LRRC46: variants seen among roughly 807,000 people sequenced by gnomAD.
LRRC46 encodes leucine-rich repeat-containing protein 46.
LRRC46 carries 20 observed loss-of-function variants against 28.0 expected under a neutral mutation model. The ratio of observed to expected loss-of-function variants is 0.71; its 90% confidence interval spans 0.50 to 1.04. LRRC46 has a LOEUF of 1.04. LRRC46 is among the 50% of genes least tolerant of loss of function. LRRC46 has a pLI of 0.00. For missense variants in LRRC46, 315 were observed against 390.1 expected, an observed-to-expected ratio of 0.81 and a Z score of 1.62; for synonymous variants, 156 against 158.8, an observed-to-expected ratio of 0.98 and a Z score of 0.13.
chr17:47,835,587 C>T (rs2033684272), intron 4 of LRRC46, 79 bp from the exon 5 acceptor site: 25 of 1,485,234 alleles, frequency 1.7e-5, no homozygotes, highest in South Asian at 9.2e-5. Context: ...CCAGGGGCCC[C>T]GGTGTCAGGT....
chr17:47,835,810 T>A, intron 5 of LRRC46, 35 bp downstream of exon 5: 1 of 1,569,210 alleles, frequency 6.4e-7, no homozygotes, highest in Non-Finnish European at 8.8e-7. Context: ...ACCAAACACA[T>A]CCCCTGTGGG....
chr17:47,833,368 T>TCCCTTCTTCCTCCTCCTTCTTC (rs2033656906), intron 2 of LRRC46, among the ~76,000 whole-genome samples: 3 of 151,856 alleles, frequency 2.0e-5, no homozygotes, highest in Non-Finnish European at 4.4e-5. Context: ...CCTCCTTCTT[T>TCCCTTCTTCCTCCTCCTTCTTC]CCCTTCTTCC....
At position 47,836,330 on chromosome 17, in the gene LRRC46, C is replaced by T; in HGVS notation, c.453-3C>T. 1 of 1,613,640 alleles carries T rather than the reference C, an allele frequency of 6.2e-7. No individual in the cohort carries two copies. The highest frequency in any genetic ancestry group is 8.5e-7 in the Non-Finnish European group (1 of 1,179,928). On this transcript the variant is annotated splice_polypyrimidine_tract_variant and splice_region_variant and intron_variant, in intron 6 of 7. Coordinates refer to ENST00000269025, the MANE Select transcript of LRRC46 (RefSeq NM_033413.4). This position sits in a 1 kb window ranked among gnomAD's most constrained non-coding sequence, Gnocchi z 5.8. ...GGTAACCTCTGCTCCTTCTGCTCTG[C>T]AGCGAGCTGGTGACAGAAGCCCTGC...
Position 47,836,201 on chromosome 17 carries a change from A to ACACCTT in LRRC46, c.452+101_452+106dup. The stretch of plus-strand genomic sequence containing the variant: ...CTGCAAACCTGGGGTCCTGTCCATG[A>ACACCTT]CACCTTCTCCCCCACCTCCTACCTA... On this transcript the variant is annotated intron_variant, in intron 6 of 7. Coordinates refer to ENST00000269025, the MANE Select transcript of LRRC46 (RefSeq NM_033413.4). This position sits in a 1 kb window ranked among gnomAD's most constrained non-coding sequence, Gnocchi z 5.8. 1.3e-6 allele frequency: 2 copies of ACACCTT among 1,572,718 alleles called. No homozygotes were observed. Among genetic ancestry groups the ACACCTT allele is most frequent in the Non-Finnish European group, 1.7e-6 (2 of 1,144,914 alleles).
At chr17:47,835,506 G>A (rs1158755816) in intron 4 of LRRC46, 107 bp downstream of exon 4, 29 of 1,461,964 alleles carry the variant, frequency 2.0e-5, no homozygotes, top group Non-Finnish European at 2.6e-5. Flanking sequence ...GTCAGTCAAG[G>A]ACCAGCAAGC....
At chr17:47,834,384 G>T in intron 2 of LRRC46, 41 bp from the exon 3 acceptor site, 1 of 1,413,860 alleles carries the variant, frequency 7.1e-7, no homozygotes, top group South Asian at 1.2e-5. Flanking sequence ...GAGACCACAT[G>T]AGTGGTGCTC....
chr17:47,836,024 TGTGTGCA>T lies in LRRC46; in HGVS notation c.383-7_383-1del. The T allele has an allele frequency of 6.2e-7, 1 of 1,614,090 alleles. No individual in the cohort carries two copies. The highest frequency in any genetic ancestry group is 8.5e-7 in the Non-Finnish European group (1 of 1,179,898). ...AGAACCCCATTTCCTCTCTCTTTGCTGTGTGCAGATGAGTTCCCCCAGAGCCTTCTCA... is the reference window on the plus strand; with the variant it reads ...AGAACCCCATTTCCTCTCTCTTTGCTGATGAGTTCCCCCAGAGCCTTCTCA... On this transcript the variant is annotated splice_acceptor_variant and splice_polypyrimidine_tract_variant and intron_variant, in intron 5 of 7. Coordinates refer to ENST00000269025, the MANE Select transcript of LRRC46 (RefSeq NM_033413.4). LOFTEE classifies it high-confidence loss of function. This position sits in a 1 kb window ranked among gnomAD's most constrained non-coding sequence, Gnocchi z 5.8.
At chr17:47,835,562 C>A in intron 4 of LRRC46, 104 bp from the exon 5 acceptor site, 3 of 1,365,018 alleles carry the variant, frequency 2.2e-6, no homozygotes, top group South Asian at 1.2e-5. Context: ...CCCCACTGGT[C>A]ATCAGCTGCC....
rs1295161680 is a variant in LRRC46, at chr17:47,836,967, C to G, written c.813C>G (p.Ser271=). ...AGGCCGTCTCCTCACCCCAGGCCTC[C>G]TCTCCCACCAAGAAACCATGCAGTC... is the stretch of plus-strand genomic sequence containing the variant. ...VPEAVSSPQA[S]SPTKKPCSLI... Residue 271 remains serine, a synonymous_variant, in exon 8 of 8, where the codon TCC becomes TCG. Coordinates refer to ENST00000269025, the MANE Select transcript of LRRC46 (RefSeq NM_033413.4). This position sits in a 1 kb window ranked among gnomAD's most constrained non-coding sequence, Gnocchi z 5.8. 6.2e-7 allele frequency: 1 copy of G among 1,613,634 alleles called. No individual in the cohort carries two copies. Among genetic ancestry groups the G allele is most frequent in the Non-Finnish European group, 8.5e-7 (1 of 1,179,868 alleles).
At position 47,836,635 on chromosome 17, in the gene LRRC46, G is replaced by C. The variant is rs2143613017; in HGVS notation, c.596-115G>C. 6.6e-7 allele frequency: 1 copy of C among 1,504,918 alleles called. No homozygotes were observed. Among genetic ancestry groups the C allele is most frequent in the East Asian group, 2.4e-5 (1 of 42,434 alleles). The allele number at this position is 1,504,918 out of a possible 1,614,324, so 93.2% of individuals were successfully genotyped here. A position where few individuals can be genotyped will look rare whatever the true frequency, so the allele number is the denominator to read the frequency against. Reference sequence around the variant, plus strand: ...GTGTCAGTCCTGGGCCCCAGCCTCAGGCTCCTTCCCACAAGGGACAAGGGG... The same window carrying C: ...GTGTCAGTCCTGGGCCCCAGCCTCACGCTCCTTCCCACAAGGGACAAGGGG... On this transcript the variant is annotated intron_variant, in intron 7 of 7. Transcript: ENST00000269025. This position sits in a 1 kb window ranked among gnomAD's most constrained non-coding sequence, Gnocchi z 5.8.
At chr17:47,834,680 T>A (rs1330162896) in intron 3 of LRRC46, 147 bp downstream of exon 3, 11 of 585,722 alleles carry the variant, frequency 1.9e-5, no homozygotes, top group Non-Finnish European at 2.8e-5. Flanking sequence ...ACGAATGACA[T>A]AGGGTCCTGA....
intron 2 of LRRC46, chr17:47,834,091 C>G: frequency 9.7e-7 from 1 of 1,029,610 alleles, no homozygotes; most frequent in Non-Finnish European, 1.2e-6. Flanking sequence ...TGTCCCACCC[C>G]TGCCTCCACC....
At chr17:47,835,609 T>C in intron 4 of LRRC46, 57 bp from the exon 5 acceptor site, 1 of 1,564,570 alleles carries the variant, frequency 6.4e-7, no homozygotes, top group East Asian at 2.2e-5. Flanking sequence ...CCCTCCTCTT[T>C]TCTTCCAGCT....
chr17:47,833,750 CTT>C (rs34618388), intron 2 of LRRC46: 46 of 137,342 alleles, frequency 3.3e-4, no homozygotes, highest in Non-Finnish European at 4.7e-4. Context: ...CGCCCAGCCT[CTT>C]TTTTTTTTTT....
chr17:47,834,627 C>T (rs1294789700), intron 3 of LRRC46, 94 bp downstream of exon 3: 8 of 767,014 alleles, frequency 1.0e-5, no homozygotes, highest in South Asian at 1.7e-5. Flanking sequence ...CTGCCCATTC[C>T]CTGGTGTTCA....
rs1437821479 is a variant in LRRC46, at chr17:47,835,391, CT to C, written c.265del (p.Ser89ProfsTer33). 2 of 1,614,120 alleles carry C rather than the reference CT, an allele frequency of 1.2e-6. No individual in the cohort carries two copies. Among genetic ancestry groups the C allele is most frequent in the Non-Finnish European group, 8.5e-7 (1 of 1,180,038 alleles). ...QQIENLACIP[S>X]LRFLSLAGNQ... ...AAATTGAGAACCTGGCTTGCATCCC[CT>C]CCTTGCGGTATGTGGTGCCAGGGCT... On this transcript the variant is annotated frameshift_variant, in exon 4 of 8. Transcript: ENST00000269025. LOFTEE classifies it high-confidence loss of function.
At chr17:47,835,076 CT>C in intron 3 of LRRC46, 1 of 434,724 alleles carries the variant, frequency 2.3e-6, no homozygotes, top group Non-Finnish European at 4.1e-6. Flanking sequence ...TCTTAGTTTC[CT>C]TTTCTGATTC....
chr17:47,834,703 A>T (rs2143609715), intron 3 of LRRC46, 170 bp downstream of exon 3: 2 of 533,202 alleles, frequency 3.8e-6, no homozygotes, highest in South Asian at 2.6e-5. Flanking sequence ...TGAAAAACTA[A>T]TTCCCTCAAA....
Position 47,836,831 on chromosome 17 carries a change from G to T in LRRC46, c.677G>T (p.Arg226Met). Residue 226 changes from arginine (R) to methionine (M), a missense_variant, in exon 8 of 8, where the codon AGG (arginine) becomes ATG (methionine). Coordinates refer to ENST00000269025, the MANE Select transcript of LRRC46 (RefSeq NM_033413.4). This position sits in a 1 kb window ranked among gnomAD's most constrained non-coding sequence, Gnocchi z 5.8. Reference protein sequence around the residue: ...QQTALTEHLLRMEMQPTLTDL... With the variant: ...QQTALTEHLLMMEMQPTLTDL... ...ACGGCCCTGACAGAGCACCTGCTGA[G>T]GATGGAGATGCAGCCCACCCTCACC... 6.2e-7 allele frequency: 1 copy of T among 1,614,000 alleles called. No individual in the cohort carries two copies. The highest frequency in any genetic ancestry group is 8.5e-7 in the Non-Finnish European group (1 of 1,180,010).
Sources: gnomAD v4.1 joint callset for allele counts (sites outside exome capture counted in the v4.1 genomes callset) on GRCh38, gnomAD v4.1.1 for gene constraint, Gnocchi (gnomAD v3.1) non-coding constraint, MANE v1.5 for transcripts, NCBI Gene and HGNC (gene_info 2026-07-23, HGNC 2026-07-21) for gene names.